Variants in ARIH1 observed in about 807,000 individuals in gnomAD.
ARIH1 encodes E3 ubiquitin-protein ligase ARIH1.
ARIH1 carries 8 observed loss-of-function variants against 85.0 expected under a neutral mutation model. That is an observed-to-expected ratio of 0.09 (90% CI 0.06 to 0.17). The LOEUF is 0.17. Ranked by LOEUF, ARIH1 falls within the 10% of genes least tolerant of loss-of-function variation. The probability of loss-of-function intolerance (pLI) is 1.00; values close to 1 mark genes in which losing one functional copy is unlikely to be tolerated. For missense variants in ARIH1, 311 were observed against 718.1 expected (o/e 0.43, Z 6.48); for synonymous variants, 238 against 253.6 (o/e 0.94, Z 0.59).
chr15:72,566,756 T>A (rs576852263), intron 8 of ARIH1, 151 bp downstream of exon 8: 2 of 717,796 alleles, frequency 2.8e-6, no homozygotes, highest in African/African-American at 3.6e-5. Flanking sequence ...TATTCAGAGG[T>A]AATTCCTTAG....
intron 1 of ARIH1, among the ~76,000 whole-genome samples, chr15:72,495,137 G>A (rs1361203518): frequency 6.6e-6 from 1 of 152,162 alleles, no homozygotes; most frequent in Non-Finnish European, 1.5e-5. Flanking sequence ...CTTATACTGT[G>A]TGGTATCATT....
At chr15:72,577,194 AG>A (rs1567360899) in intron 11 of ARIH1, among the ~76,000 whole-genome samples, 1 of 151,764 alleles carries the variant, frequency 6.6e-6, no homozygotes, top group Non-Finnish European at 1.5e-5. Flanking sequence ...CATGTTGGTC[AG>A]GCTGGTCTTG....
chr15:72,595,823 T>G lies in ARIH1; in HGVS notation c.*12531T>G, dbSNP rs1377137620. 1 of 147,956 alleles carries G rather than the reference T, an allele frequency of 6.8e-6. No homozygotes were observed. Among genetic ancestry groups the G allele is most frequent in the East Asian group, 1.9e-4 (1 of 5,174 alleles). 9.2% of individuals were successfully genotyped at this position (147,956 alleles called of 1,614,324 possible). On this transcript the variant is annotated 3_prime_UTR_variant, in exon 14 of 14. Transcript: ENST00000379887. Reference sequence around the variant, plus strand: ...TGTTTTTTCTGTTTTTTTTTTTTTTTTTTCATCTTTGTTTTTGTTTTTTTG... The same window carrying G: ...TGTTTTTTCTGTTTTTTTTTTTTTTGTTTCATCTTTGTTTTTGTTTTTTTG...
intron 3 of ARIH1, among the ~76,000 whole-genome samples, chr15:72,548,292 A>C (rs2064138095): frequency 6.6e-6 from 1 of 152,204 alleles, no homozygotes; most frequent in East Asian, 1.9e-4. Flanking sequence ...AGGAAAATGT[A>C]GCAAGTCCAA....
At chr15:72,482,161 C>G (rs375554442) in intron 1 of ARIH1, among the ~76,000 whole-genome samples, 2 of 152,130 alleles carry the variant, frequency 1.3e-5, no homozygotes, top group African/African-American at 4.8e-5. Context: ...ACAAACTAAA[C>G]TAGTGACATC....
chr15:72,569,730 T>C (rs2064235282), intron 9 of ARIH1, among the ~76,000 whole-genome samples: 1 of 152,212 alleles, frequency 6.6e-6, no homozygotes, highest in African/African-American at 2.4e-5. Context: ...AATAGAATGC[T>C]TTTATCTCCT....
intron 1 of ARIH1, among the ~76,000 whole-genome samples, chr15:72,476,412 T>C (rs2063795198): frequency 6.6e-6 from 1 of 152,264 alleles, no homozygotes; most frequent in Non-Finnish European, 1.5e-5. Flanking sequence ...TCGCCCAGGC[T>C]GGAGTGCAAT....
At chr15:72,502,003 A>G (rs183097566) in intron 1 of ARIH1, among the ~76,000 whole-genome samples, 1 of 152,186 alleles carries the variant, frequency 6.6e-6, no homozygotes, top group African/African-American at 2.4e-5. Flanking sequence ...TGTTATATAT[A>G]TTAGAAGTGA....
chr15:72,580,529 T>C (rs937528793), intron 11 of ARIH1: 7 of 566,182 alleles, frequency 1.2e-5, no homozygotes, highest in Non-Finnish European at 1.8e-5. Flanking sequence ...ATAATGGCTA[T>C]ACTAATTTAC....
intron 1 of ARIH1, among the ~76,000 whole-genome samples, chr15:72,512,027 G>A (rs552020822): frequency 2.8e-4 from 43 of 152,268 alleles, no homozygotes; most frequent in Non-Finnish European, 5.4e-4. Flanking sequence ...CCACTTGATT[G>A]TGGTGTAATT....
At chr15:72,487,587 T>C (rs2063842539) in intron 1 of ARIH1, among the ~76,000 whole-genome samples, 1 of 152,224 alleles carries the variant, frequency 6.6e-6, no homozygotes, top group African/African-American at 2.4e-5. Flanking sequence ...TATTGGCTTA[T>C]CTGAGAACCA....
intron 7 of ARIH1, 81 bp downstream of exon 7, chr15:72,563,581 GA>G (rs1454128339): frequency 5.9e-6 from 7 of 1,189,884 alleles, no homozygotes; most frequent in Non-Finnish European, 8.6e-6. Flanking sequence ...TAAAATAGCA[GA>G]AAAAAAGTGT....
chr15:72,537,632 T>A (rs2064088559), intron 2 of ARIH1, among the ~76,000 whole-genome samples: 1 of 152,200 alleles, frequency 6.6e-6, no homozygotes, highest in Admixed American at 6.5e-5. Context: ...CCTTTGCTCC[T>A]TTGACATTTT....
chr15:72,539,607 G>A (rs990151133), intron 2 of ARIH1, among the ~76,000 whole-genome samples: 7 of 152,312 alleles, frequency 4.6e-5, no homozygotes, highest in South Asian at 4.1e-4. Context: ...GACAAATTAA[G>A]AGACTGGATG....
chr15:72,544,778 G>T (rs750737971), intron 2 of ARIH1, 42 bp from the exon 3 acceptor site: 1 of 1,569,124 alleles, frequency 6.4e-7, no homozygotes, highest in Non-Finnish European at 8.7e-7. Context: ...CTAACAGTGT[G>T]CAAGTTGCTG....
rs2064313312 is a variant in ARIH1, at chr15:72,585,697, CATACTGCCTGA to C, written c.*2406_*2416del. On this transcript the variant is annotated 3_prime_UTR_variant, in exon 14 of 14. Coordinates refer to ENST00000379887, the MANE Select transcript of ARIH1 (RefSeq NM_005744.5). ...GAGATGCTTTCTATTTCAATGTTGGCATACTGCCTGAGGGTATTGCAGTTGTGGGTGCATTC... is the reference window on the plus strand; with the variant it reads ...GAGATGCTTTCTATTTCAATGTTGGCGGGTATTGCAGTTGTGGGTGCATTC... 6.6e-6 allele frequency: 1 copy of C among 152,180 alleles called. No homozygotes were observed. Among genetic ancestry groups the C allele is most frequent in the Admixed American group, 6.5e-5 (1 of 15,268 alleles). The allele number at this position is 152,180 out of a possible 1,614,324, so 9.4% of individuals were successfully genotyped here.
chr15:72,497,514 A>G (rs961041541), intron 1 of ARIH1, among the ~76,000 whole-genome samples: 1 of 152,176 alleles, frequency 6.6e-6, no homozygotes, highest in Non-Finnish European at 1.5e-5. Context: ...ACTGAATCCT[A>G]AAACATCAGT....
At chr15:72,494,348 G>A (rs2063871316) in intron 1 of ARIH1, among the ~76,000 whole-genome samples, 2 of 152,172 alleles carry the variant, frequency 1.3e-5, no homozygotes, top group East Asian at 1.9e-4. Context: ...TGGGAGGACC[G>A]ACTTGCTGGT....
At chr15:72,480,615 A>G (rs1442919745) in intron 1 of ARIH1, among the ~76,000 whole-genome samples, 1 of 151,918 alleles carries the variant, frequency 6.6e-6, no homozygotes, top group Admixed American at 6.6e-5. Flanking sequence ...CCCAGGCTGG[A>G]GTGCAATGAC....
Sources: gnomAD v4.1 joint callset for allele counts (sites outside exome capture counted in the v4.1 genomes callset) on GRCh38, gnomAD v4.1.1 for gene constraint, MANE v1.5 for transcripts, NCBI Gene and HGNC (gene_info 2026-07-23, HGNC 2026-07-21) for gene names.